Variants in NELL2 observed in about 807,000 individuals in gnomAD.
The protein encoded by NELL2 is protein kinase C-binding protein NELL2.
A neutral mutation model predicts 109.6 loss-of-function variants in NELL2; 41 were observed. That is an observed-to-expected ratio of 0.37 (90% CI 0.29 to 0.49). The LOEUF is 0.49. Among genes scored for constraint, NELL2 ranks in the 20% least tolerant of loss-of-function variants. The pLI, the probability that NELL2 is intolerant of heterozygous loss-of-function variation, is 0.98. For synonymous variants in NELL2, 355 were observed against 344.7 expected, an observed-to-expected ratio of 1.03 and a Z score of -0.33; for missense variants, 900 against 1,008.3, an observed-to-expected ratio of 0.89 and a Z score of 1.45.
intron 13 of NELL2, among the ~76,000 whole-genome samples, chr12:44,660,876 G>A (rs902457154): frequency 1.3e-5 from 2 of 152,162 alleles, no homozygotes; most frequent in Admixed American, 6.5e-5. Flanking sequence ...TGGGGCAGGA[G>A]AGGGTTCTCC....
intron 13 of NELL2, among the ~76,000 whole-genome samples, chr12:44,653,938 T>G (rs1256152947): frequency 6.6e-6 from 1 of 152,164 alleles, no homozygotes; most frequent in African/African-American, 2.4e-5. Flanking sequence ...ACACTAAACT[T>G]GCTATTATAC....
chr12:44,807,049 C>T (rs1363248807), intron 3 of NELL2, among the ~76,000 whole-genome samples: 1 of 151,342 alleles, frequency 6.6e-6, no homozygotes, highest in Non-Finnish European at 1.5e-5. Context: ...CAAAGCAAGA[C>T]TACCTGATCT....
chr12:44,691,641 A>G (rs1015993022), intron 12 of NELL2, among the ~76,000 whole-genome samples: 5 of 152,198 alleles, frequency 3.3e-5, no homozygotes, highest in Non-Finnish European at 7.4e-5. Context: ...CCAGTTAGCC[A>G]AGTTGTAAAT....
Position 44,668,613 on chromosome 12 carries a change from T to C in NELL2, c.1319-3004A>G, listed in dbSNP as rs1219519927. ...GACATCATCCCACACTGCCCACTTA[T>C]GCTGGCCAGGAGCCTGGGTATAGGC... On this transcript the variant is annotated intron_variant, in intron 12 of 19. Transcript: ENST00000429094. Among the ~76,000 whole-genome samples the C allele has an allele frequency of 3.3e-5, 5 of 151,794 alleles. No individual in the cohort carries two copies. The East Asian group carries it at 7.8e-4, about 24-fold the overall frequency.
intron 3 of NELL2, among the ~76,000 whole-genome samples, chr12:44,795,874 AG>A (rs1942602877): frequency 6.6e-6 from 1 of 152,174 alleles, no homozygotes; most frequent in African/African-American, 2.4e-5. Flanking sequence ...CAAGTAGAAA[AG>A]GGTGCATTTT....
chr12:44,667,945 T>G (rs1947987983), intron 12 of NELL2, among the ~76,000 whole-genome samples: 1 of 152,186 alleles, frequency 6.6e-6, no homozygotes, highest in Non-Finnish European at 1.5e-5. Flanking sequence ...GATGGCATTG[T>G]TCCGGAAAGG....
At chr12:44,890,523 T>G (rs1037682267) in intron 1 of NELL2, among the ~76,000 whole-genome samples, 1 of 152,134 alleles carries the variant, frequency 6.6e-6, no homozygotes, top group Non-Finnish European at 1.5e-5. Flanking sequence ...ACTCCAGAGT[T>G]CATTCTCTAA....
At chr12:44,809,524 G>C (rs980150064) in intron 3 of NELL2, among the ~76,000 whole-genome samples, 1 of 151,994 alleles carries the variant, frequency 6.6e-6, no homozygotes, top group Non-Finnish European at 1.5e-5. Flanking sequence ...ATACTGAAAT[G>C]ACTGAAGAGC....
chr12:44,579,078 A>G (rs1944226477), intron 15 of NELL2, among the ~76,000 whole-genome samples: 2 of 152,182 alleles, frequency 1.3e-5, no homozygotes, highest in African/African-American at 4.8e-5. Context: ...CTCTAAAAAC[A>G]TCAGAGATTT....
At chr12:44,776,243 T>C (rs2136588810) in intron 7 of NELL2, 93 bp from the exon 8 acceptor site, 2 of 1,350,834 alleles carry the variant, frequency 1.5e-6, no homozygotes, top group South Asian at 1.4e-5. Flanking sequence ...TTAAAGTATG[T>C]AGCAATGATG....
chr12:44,509,501 T>C (rs1484479276), intron 19 of NELL2, among the ~76,000 whole-genome samples: 1 of 152,106 alleles, frequency 6.6e-6, no homozygotes, highest in Admixed American at 6.6e-5. Context: ...GAGAGGTAAT[T>C]AGTGAATGAG....
At chr12:44,860,902 G>C (rs944327118) in intron 2 of NELL2, among the ~76,000 whole-genome samples, 13 of 152,024 alleles carry the variant, frequency 8.6e-5, no homozygotes, top group Admixed American at 1.3e-4. Flanking sequence ...CAAATTTCCA[G>C]CCCACTGAAG....
At chr12:44,728,207 T>C (rs1939181542) in intron 9 of NELL2, among the ~76,000 whole-genome samples, 2 of 152,216 alleles carry the variant, frequency 1.3e-5, no homozygotes, top group South Asian at 4.1e-4. Context: ...CTCAGGAAAC[T>C]GATACATGAA....
intron 13 of NELL2, among the ~76,000 whole-genome samples, chr12:44,611,869 A>G (rs552510268): frequency 6.6e-6 from 1 of 152,218 alleles, no homozygotes; most frequent in East Asian, 1.9e-4. Flanking sequence ...TAACATCAAA[A>G]TACAGATGAG....
At chr12:44,766,106 G>C (rs1344578687) in intron 9 of NELL2, among the ~76,000 whole-genome samples, 1 of 151,006 alleles carries the variant, frequency 6.6e-6, no homozygotes, top group Admixed American at 6.6e-5. Context: ...AAAAAAGAAA[G>C]AAATGCATCT....
intron 9 of NELL2, among the ~76,000 whole-genome samples, chr12:44,735,260 A>G (rs990022588): frequency 3.3e-5 from 5 of 152,140 alleles, no homozygotes; most frequent in African/African-American, 9.7e-5. Flanking sequence ...GCCAGTTTTC[A>G]TCCTACAGTT....
At chr12:44,690,472 A>G (rs1024216077) in intron 12 of NELL2, among the ~76,000 whole-genome samples, 4 of 152,132 alleles carry the variant, frequency 2.6e-5, no homozygotes, top group Admixed American at 2.6e-4. Context: ...CATTTTTAAC[A>G]AGCTCCTAGA....
At chr12:44,745,017 C>A (rs541733350) in intron 9 of NELL2, among the ~76,000 whole-genome samples, 153 of 152,300 alleles carry the variant, frequency 1.0e-3, no homozygotes, top group African/African-American at 3.6e-3. Flanking sequence ...GAATTTTACA[C>A]CAATATCCTT....
intron 13 of NELL2, among the ~76,000 whole-genome samples, chr12:44,632,417 C>G (rs1269769495): frequency 1.3e-5 from 2 of 151,978 alleles, no homozygotes; most frequent in South Asian, 4.1e-4. Flanking sequence ...ACAAGCAGAC[C>G]TGGGCACCAG....
Sources: gnomAD v4.1 joint callset for allele counts (sites outside exome capture counted in the v4.1 genomes callset) on GRCh38, gnomAD v4.1.1 for gene constraint, MANE v1.5 for transcripts, NCBI Gene and HGNC (gene_info 2026-07-23, HGNC 2026-07-21) for gene names.